The following PSG2 variants were observed in gnomAD, a reference collection of about 807,000 sequenced individuals.
PSG2 encodes the protein pregnancy specific beta-1-glycoprotein 2.
PSG2 carries 49 observed loss-of-function variants against 36.2 expected under a neutral mutation model. The ratio of observed to expected loss-of-function variants is 1.35; its 90% CI spans 1.08 to 1.72. PSG2 has a LOEUF of 1.72. PSG2 is among the 40% of genes most tolerant of loss of function. The pLI, the probability that PSG2 is intolerant of heterozygous loss-of-function variation, is 0.00. For missense variants in PSG2, 605 were observed against 407.2 expected (o/e 1.49, Z -4.18); for synonymous variants, 261 against 155.6 (o/e 1.68, Z -5.04).
chr19:43,080,552 C>T (rs1343567267), intron 2 of PSG2, among the ~76,000 whole-genome samples: 1 of 151,608 alleles, frequency 6.6e-6, no homozygotes, highest in Non-Finnish European at 1.5e-5. Flanking sequence ...CAGGCCAAGC[C>T]CTGCTCAGTT....
In PSG2 at chr19:43,081,390, CACACACACA is replaced by C. The variant is rs1253883453; in HGVS notation, c.65-153_65-145del. 9.7e-6 allele frequency: 12 copies of C among 1,237,082 alleles called. No individual in the cohort carries two copies. The African/African-American group carries it at 9.8e-5, about 10-fold the overall frequency. The allele number at this position is 1,237,082 out of a possible 1,614,324, so 76.6% of individuals were successfully genotyped here. On this transcript the variant is annotated intron_variant, in intron 1 of 5. Transcript: ENST00000406487. ...ACACACACACACACACACACACACA[CACACACACA>C]AAAGGGGCATGTGTGTTTGTATGTG...
At chr19:43,072,052 C>T (rs1236354745) in intron 3 of PSG2, 98 bp from the exon 4 acceptor site, 3 of 1,498,494 alleles carry the variant, frequency 2.0e-6, no homozygotes, top group Middle Eastern at 1.8e-4. Flanking sequence ...AGACAAGACA[C>T]ATCCTCAAGT....
chr19:43,071,881 G>C lies in PSG2; in HGVS notation c.783C>G (p.Cys261Trp), dbSNP rs756475561. 6.2e-7 allele frequency: 1 copy of C among 1,613,032 alleles called. No homozygotes were observed. The highest frequency in any genetic ancestry group is 8.5e-7 in the Non-Finnish European group (1 of 1,179,510). The change falls in exon 4 of 6, where the codon TGC (cysteine) becomes TGG (tryptophan). Residue 261 changes from cysteine to tryptophan, a missense_variant. Physicochemically the swap from Cys to Trp is radical, Grantham distance 215. Coordinates refer to ENST00000406487, the MANE Select transcript of PSG2 (RefSeq NM_031246.4). ...YRSGDNLYLS[C>W]FANSNPPAQY... is the part of the protein sequence containing the mutation. ...GTGCCGGTGGGTTAGAGTTCGCGAA[G>C]CAAGACAAGTAGAGGTTATCTCCTG...
chr19:43,075,482 T>A lies in PSG2; in HGVS notation c.581A>T (p.Gln194Leu). Residue 194 changes from glutamine to leucine, a missense_variant, in exon 3 of 6, where the codon CAG (glutamine) becomes CTG (leucine). Physicochemically the swap from Gln to Leu is moderately radical, Grantham distance 113. Coordinates refer to ENST00000406487, the MANE Select transcript of PSG2 (RefSeq NM_031246.4). ...GAGGGTCCTGTTGGTTTCGGACAGC[T>A]GAAACCTATGAGTCATAGGGAGGCT... ...GQSLPMTHRF[Q>L]LSETNRTLFL... is the part of the protein sequence containing the mutation. 6.2e-7 allele frequency: 1 copy of A among 1,613,200 alleles called. No homozygotes were observed. The highest frequency in any genetic ancestry group is 1.1e-5 in the South Asian group (1 of 91,042).
Position 43,066,949 on chromosome 19 carries a change from T to C in PSG2, c.965-349A>G, listed in dbSNP as rs60673281. Among the ~76,000 whole-genome samples, 752 of 151,572 alleles carry C rather than the reference T, an allele frequency of 5.0e-3. 26 individuals are homozygous for C. The highest frequency in any genetic ancestry group is 0.018 in the African/African-American group (727 of 41,036). ...TTTCTCGGTGTTTCTGTTGTGGCAG[T>C]CATGAATGAGACTCTGTCAGGTCTC... is the stretch of plus-strand genomic sequence containing the variant. On this transcript the variant is annotated intron_variant, in intron 4 of 5. Transcript: ENST00000406487.
chr19:43,068,665 T>C (rs1967775797), intron 4 of PSG2, among the ~76,000 whole-genome samples: 1 of 151,724 alleles, frequency 6.6e-6, no homozygotes, highest in Non-Finnish European at 1.5e-5. Flanking sequence ...AAGCATTTGA[T>C]GAAATTCCAT....
intron 2 of PSG2, among the ~76,000 whole-genome samples, chr19:43,077,608 G>A (rs1453148983): frequency 2.6e-5 from 4 of 151,716 alleles, no homozygotes; most frequent in African/African-American, 4.9e-5. Context: ...GGAAACACTT[G>A]TGTGTGGCAC....
chr19:43,069,909 A>C (rs1359643792), intron 4 of PSG2, among the ~76,000 whole-genome samples: 1 of 151,864 alleles, frequency 6.6e-6, no homozygotes, highest in Non-Finnish European at 1.5e-5. Context: ...CAACCCATGA[A>C]ATGATAAAAA....
chr19:43,067,471 G>T (rs1416913200), intron 4 of PSG2, among the ~76,000 whole-genome samples: 2 of 151,110 alleles, frequency 1.3e-5, no homozygotes, highest in African/African-American at 2.5e-5. Flanking sequence ...TATGGAAAAA[G>T]GTAGATACTG....
At chr19:43,067,746 T>C (rs1275880935) in intron 4 of PSG2, among the ~76,000 whole-genome samples, 2 of 151,424 alleles carry the variant, frequency 1.3e-5, no homozygotes, top group Non-Finnish European at 2.9e-5. Flanking sequence ...GTGTGGCATC[T>C]TGTTTCATTG....
chr19:43,071,551 C>A (rs529881961), intron 4 of PSG2, 149 bp downstream of exon 4: 3 of 1,590,416 alleles, frequency 1.9e-6, no homozygotes, highest in African/African-American at 2.7e-5. Context: ...TTTGTAGAGA[C>A]AAATTGGGAG....
intron 1 of PSG2, 89 bp from the exon 2 acceptor site, chr19:43,081,335 A>C: frequency 6.9e-7 from 1 of 1,441,414 alleles, no homozygotes; most frequent in Non-Finnish European, 9.3e-7. Context: ...GGTCTCTTCA[A>C]TCCTCAGCCT....
rs1037701413 is a variant in PSG2, at chr19:43,071,083, G to A, written c.964+617C>T. Among the ~76,000 whole-genome samples the A allele has an allele frequency of 2.0e-5, 3 of 151,474 alleles. 1 individual carries two copies. The highest frequency in any genetic ancestry group is 7.3e-5 in the African/African-American group (3 of 40,940). ...TCTCTTCTCATTTCCCTGCAGCCTG[G>A]CCCGGGGGAGGCTTGGCTTCAACTG... On this transcript the variant is annotated intron_variant, in intron 4 of 5. Transcript: ENST00000406487.
intron 4 of PSG2, among the ~76,000 whole-genome samples, chr19:43,070,311 A>C (rs1279542168): frequency 6.6e-6 from 1 of 151,704 alleles, no homozygotes; most frequent in Non-Finnish European, 1.5e-5. Context: ...AAAATTAAAC[A>C]ATAAATTACC....
intron 4 of PSG2, among the ~76,000 whole-genome samples, chr19:43,071,092 A>G (rs866556476): frequency 6.6e-6 from 1 of 151,130 alleles, no homozygotes; most frequent in Non-Finnish European, 1.5e-5. Flanking sequence ...GGCCCGGGGG[A>G]GGCTTGGCTT....
chr19:43,072,082 T>A, intron 3 of PSG2, 128 bp from the exon 4 acceptor site: 1 of 1,430,904 alleles, frequency 7.0e-7, no homozygotes. Flanking sequence ...ACCCCCTCTA[T>A]GTTCACTGAG....
chr19:43,069,411 G>A (rs1967785985), intron 4 of PSG2, among the ~76,000 whole-genome samples: 1 of 151,730 alleles, frequency 6.6e-6, no homozygotes, highest in South Asian at 2.1e-4. Flanking sequence ...ACAGAGCTTT[G>A]AGGAGGAAGA....
rs548272145 is a variant in PSG2 at position 43,075,635 on chromosome 19, G to T, written c.431-3C>A. 3.1e-6 allele frequency: 5 copies of T among 1,609,728 alleles called. No individual in the cohort carries two copies. The highest frequency in any genetic ancestry group is 4.5e-5 in the East Asian group (2 of 44,854). ...GATGGAGGGCTTGGGAGTCTCCACT[G>T]TGCAGAAAACAGAGAGAAGATTGCC... On this transcript the variant is annotated splice_polypyrimidine_tract_variant and splice_region_variant and intron_variant, in intron 2 of 5. Coordinates refer to ENST00000406487, the MANE Select transcript of PSG2 (RefSeq NM_031246.4).
chr19:43,074,462 G>C (rs1315336898), intron 3 of PSG2, among the ~76,000 whole-genome samples: 1 of 151,672 alleles, frequency 6.6e-6, no homozygotes, highest in Non-Finnish European at 1.5e-5. Context: ...ATGTTAATGT[G>C]AATTGAATTT....
Sources: allele counts gnomAD v4.1 joint callset (sites outside exome capture counted in the v4.1 genomes callset), GRCh38; gene constraint gnomAD v4.1.1; transcripts MANE v1.5; gene names NCBI Gene and HGNC (gene_info 2026-07-23, HGNC 2026-07-21).